Variants in SPG7 observed in about 807,000 individuals in gnomAD.
SPG7 encodes SPG7 matrix AAA peptidase subunit, paraplegin.
In SPG7, 103 loss-of-function variants were observed where a neutral mutation model predicts 81.9. That is an observed-to-expected ratio of 1.26 (90% CI 1.07 to 1.48). The LOEUF is 1.48. Ranked by LOEUF, SPG7 falls within the 40% of genes most tolerant of loss-of-function variation. SPG7 has a pLI of 0.00. For missense variants in SPG7, 1,241 were observed against 1,087.3 expected, an observed-to-expected ratio of 1.14 and a Z score of -1.99; for synonymous variants, 534 against 444.2, an observed-to-expected ratio of 1.20 and a Z score of -2.54.
chr16:89,537,384 C>G (rs1438067230), intron 9 of SPG7: 1 of 1,102,092 alleles, frequency 9.1e-7, no homozygotes, highest in South Asian at 2.8e-5. Context: ...TGGGGAGCGT[C>G]GGCGCTGACC....
intron 9 of SPG7, among the ~76,000 whole-genome samples, chr16:89,535,741 C>T (rs2434868): frequency 0.45 from 68,207 of 152,142 alleles, 15,693 homozygotes; most frequent in East Asian, 0.67. Context: ...GTACCTCAAG[C>T]GGAGATCACC....
intron 3 of SPG7, chr16:89,519,136 A>C (rs1315532856): frequency 2.6e-5 from 4 of 151,394 alleles, no homozygotes; most frequent in African/African-American, 9.7e-5. Flanking sequence ...GGCGCGTGCC[A>C]CCACACCCAG....
intron 3 of SPG7, among the ~76,000 whole-genome samples, chr16:89,515,923 G>C (rs1597609437): frequency 6.6e-6 from 1 of 151,518 alleles, no homozygotes. Flanking sequence ...TGGCAAGGAT[G>C]GTCTCAAACT....
intron 9 of SPG7, among the ~76,000 whole-genome samples, chr16:89,535,099 CTG>C (rs1432055844): frequency 2.6e-5 from 4 of 152,216 alleles, no homozygotes; most frequent in Non-Finnish European, 5.9e-5. Context: ...ATCTCTGGAA[CTG>C]TGACATGTCC....
At chr16:89,526,073 C>G (rs1039779654) in intron 4 of SPG7, among the ~76,000 whole-genome samples, 1 of 152,070 alleles carries the variant, frequency 6.6e-6, no homozygotes, top group African/African-American at 2.4e-5. Context: ...TTTCAGCTTC[C>G]CAGGGGCTCA....
chr16:89,554,458 C>T (rs1354019349), intron 15 of SPG7, 28 bp from the exon 16 acceptor site: 1 of 1,557,090 alleles, frequency 6.4e-7, no homozygotes, highest in South Asian at 1.1e-5. Context: ...GCCAGCCTTG[C>T]CCCTGACACA....
Position 89,553,024 on chromosome 16 carries a change from A to G in SPG7, c.1825A>G (p.Met609Val), listed in dbSNP as rs1458456720. The G allele has an allele frequency of 1.9e-6, 3 of 1,613,870 alleles. No individual in the cohort carries two copies. Among genetic ancestry groups the G allele is most frequent in the East Asian group, 2.2e-5 (1 of 44,898 alleles). Reference sequence around the variant, plus strand: ...AAACGCCGCCCTGGGCTTTGCTCAGATGCTCCCCAGAGACCAGCACCTCTT... The same window carrying G: ...AAACGCCGCCCTGGGCTTTGCTCAGGTGCTCCCCAGAGACCAGCACCTCTT... ...RTNAALGFAQMLPRDQHLFTK... is the reference protein window; with the variant it reads ...RTNAALGFAQVLPRDQHLFTK... Residue 609 changes from methionine to valine, a missense_variant, in exon 14 of 17, where the codon ATG becomes GTG. By Grantham distance (21) the Met-to-Val change is conservative. Coordinates refer to ENST00000645818, the MANE Select transcript of SPG7 (RefSeq NM_003119.4).
chr16:89,530,550 A>G (rs1189023982), intron 6 of SPG7, 133 bp from the exon 7 acceptor site: 4 of 964,886 alleles, frequency 4.1e-6, no homozygotes, highest in East Asian at 2.4e-5. Context: ...TCAGCCTGAC[A>G]TGAGTGAAGC....
At chr16:89,523,447 G>A (rs754088961) in intron 3 of SPG7, 2 of 338,350 alleles carry the variant, frequency 5.9e-6, no homozygotes, top group Non-Finnish European at 1.2e-5. Context: ...TGTTTTAATC[G>A]TTTTTAATAA....
At chr16:89,550,068 G>T (rs1427665986) in intron 12 of SPG7, 2 of 290,184 alleles carry the variant, frequency 6.9e-6, no homozygotes, top group Non-Finnish European at 1.4e-5. Flanking sequence ...CGCAGCTGCA[G>T]CTCCAAGAGG....
chr16:89,532,098 C>T (rs1234443426), intron 8 of SPG7, 32 bp downstream of exon 8: 4 of 1,605,076 alleles, frequency 2.5e-6, no homozygotes, highest in Admixed American at 3.3e-5. Context: ...TGTGGGTGGG[C>T]TTGGCTGACT....
At chr16:89,546,149 C>A in intron 10 of SPG7, 1 of 293,588 alleles carries the variant, frequency 3.4e-6, no homozygotes, top group Admixed American at 4.9e-5. Context: ...TGCAGCGGCG[C>A]GATCTCGGCT....
At chr16:89,512,384 C>A (rs2058034767) in intron 2 of SPG7, among the ~76,000 whole-genome samples, 1 of 152,072 alleles carries the variant, frequency 6.6e-6, no homozygotes, top group Non-Finnish European at 1.5e-5. Flanking sequence ...GGTGTGATCT[C>A]AGCTCACTGC....
intron 3 of SPG7, among the ~76,000 whole-genome samples, chr16:89,513,786 G>C (rs1165590133): frequency 6.6e-6 from 1 of 152,192 alleles, no homozygotes; most frequent in Non-Finnish European, 1.5e-5. Context: ...CTGCTCAGCA[G>C]AGCTCATCTT....
At chr16:89,555,873 T>C in intron 16 of SPG7, 1 of 398,776 alleles carries the variant, frequency 2.5e-6, no homozygotes, top group Middle Eastern at 6.3e-4. Flanking sequence ...CTTGTGTCTT[T>C]CAAGCGAGCA....
intron 9 of SPG7, chr16:89,537,009 G>C (rs1337127854): frequency 6.2e-7 from 1 of 1,612,386 alleles, no homozygotes; most frequent in Non-Finnish European, 8.5e-7. Context: ...AAGAATAGCT[G>C]CTTCCGCCCC....
At chr16:89,525,734 C>T (rs566059614) in intron 4 of SPG7, among the ~76,000 whole-genome samples, 13 of 152,278 alleles carry the variant, frequency 8.5e-5, no homozygotes, top group African/African-American at 3.1e-4. Flanking sequence ...TGAACAGTCT[C>T]AGGTTTTGTG....
rs774207582 is a variant in SPG7 at position 89,512,817 on chromosome 16, C to G, written c.287-131C>G. 3 of 851,468 alleles carry G rather than the reference C, an allele frequency of 3.5e-6. No individual in the cohort carries two copies. The South Asian group carries it at 4.2e-5, about 12-fold the overall frequency. The allele number at this position is 851,468 out of a possible 1,614,324, so 52.7% of individuals were successfully genotyped here. A position where few individuals can be genotyped will look rare whatever the true frequency, so the allele number is the denominator to read the frequency against. On this transcript the variant is annotated intron_variant, in intron 2 of 16. Coordinates refer to ENST00000645818, the MANE Select transcript of SPG7 (RefSeq NM_003119.4). ...TATGCTTTATTTCATATTTATAAAT[C>G]TTATGGATATAAGTAGGTTTTTCAG...
At chr16:89,536,657 G>A (rs947018193) in intron 9 of SPG7, 5 of 1,387,062 alleles carry the variant, frequency 3.6e-6, no homozygotes, top group African/African-American at 2.9e-5. Flanking sequence ...GGGCGAGGCA[G>A]GCGAGGCGGG....
Sources: allele counts gnomAD v4.1 joint callset (sites outside exome capture counted in the v4.1 genomes callset), GRCh38; gene constraint gnomAD v4.1.1; transcripts MANE v1.5; gene names NCBI Gene and HGNC (gene_info 2026-07-23, HGNC 2026-07-21).